Variants in CHCHD3 observed in about 807,000 individuals in gnomAD.
The protein encoded by CHCHD3 is coiled-coil-helix-coiled-coil-helix domain containing 3, also known as MICOS complex subunit MIC19.
CHCHD3 carries 20 observed loss-of-function variants against 38.2 expected under a neutral mutation model. The ratio of observed to expected loss-of-function variants is 0.52; its 90% CI spans 0.37 to 0.76. The LOEUF (loss-of-function observed/expected upper bound fraction) is 0.76, where lower values mean the gene tolerates loss of function less well. CHCHD3 is among the 30% of genes least tolerant of loss of function. CHCHD3 has a pLI of 0.00. For missense variants in CHCHD3, 245 were observed against 279.2 expected (o/e 0.88, Z 0.87); for synonymous variants, 82 against 100.0 (o/e 0.82, Z 1.07).
In CHCHD3 at chr7:132,858,373, C is replaced by A. The variant is rs1585578075; in HGVS notation, c.454-19904G>T. 2.0e-5 allele frequency among the ~76,000 whole-genome samples: 3 copies of A among 152,158 alleles called. No individual in the cohort carries two copies. The East Asian group carries it at 5.8e-4, about 29-fold the overall frequency. On this transcript the variant is annotated intron_variant, in intron 5 of 7. Transcript: ENST00000262570. The stretch of plus-strand genomic sequence containing the variant: ...CACCTGGCATCTTCACTTTTTTCCT[C>A]TTTTCTCTTTAGTTTCACTTCTCTT...
At chr7:132,961,521 T>A (rs185214503) in intron 4 of CHCHD3, among the ~76,000 whole-genome samples, 1 of 152,360 alleles carries the variant, frequency 6.6e-6, no homozygotes, top group East Asian at 1.9e-4. Context: ...TGACTTTATA[T>A]ATACATATAC....
intron 4 of CHCHD3, among the ~76,000 whole-genome samples, chr7:132,905,732 G>T (rs143347823): frequency 6.6e-6 from 1 of 152,100 alleles, no homozygotes; most frequent in Admixed American, 6.6e-5. Flanking sequence ...ACACAGAGAC[G>T]TATTTAAAAG....
intron 3 of CHCHD3, among the ~76,000 whole-genome samples, chr7:132,978,618 T>C (rs1269620184): frequency 6.6e-6 from 1 of 152,094 alleles, no homozygotes; most frequent in African/African-American, 2.4e-5. Context: ...CACAAGGCGA[T>C]GGTATATAAG....
chr7:132,838,511 T>G, intron 5 of CHCHD3, 42 bp from the exon 6 acceptor site: 2 of 1,391,876 alleles, frequency 1.4e-6, no homozygotes, highest in South Asian at 1.2e-5. Flanking sequence ...CTATCCAAGA[T>G]GACAAAATGT....
chr7:133,013,700 G>A (rs1475685268), intron 3 of CHCHD3, among the ~76,000 whole-genome samples: 9 of 151,894 alleles, frequency 5.9e-5, no homozygotes. Context: ...AAAAAAGCAC[G>A]TTATATAACA....
At position 132,920,518 on chromosome 7, in the gene CHCHD3, G is replaced by A. The variant is rs77389750; in HGVS notation, c.370-34773C>T. 6.1e-3 allele frequency among the ~76,000 whole-genome samples: 931 copies of A among 152,228 alleles called. 12 individuals are homozygous for A. The highest frequency in any genetic ancestry group is 0.021 in the African/African-American group (870 of 41,518). ...GATGATTTAAATACACTATTCATTCGCTGAATGACCGAACACACACAAGAC... is the reference window on the plus strand; with the variant it reads ...GATGATTTAAATACACTATTCATTCACTGAATGACCGAACACACACAAGAC... On this transcript the variant is annotated intron_variant, in intron 4 of 7. Transcript: ENST00000262570.
intron 2 of CHCHD3, among the ~76,000 whole-genome samples, chr7:133,048,932 ATAAATGTGTTGATT>A (rs1814071066): frequency 6.6e-6 from 1 of 152,256 alleles, no homozygotes. Flanking sequence ...GTCACATAAA[ATAAATGTGTTGATT>A]TAAAAGTACC....
intron 4 of CHCHD3, among the ~76,000 whole-genome samples, chr7:132,959,722 CA>C (rs376282108): frequency 0.036 from 1,590 of 44,120 alleles, 6 homozygotes; most frequent in South Asian, 0.14. Context: ...AACTCCGTCT[CA>C]AAAAAAAAAA....
chr7:133,007,877 C>T (rs868553299), intron 3 of CHCHD3, among the ~76,000 whole-genome samples: 4 of 152,276 alleles, frequency 2.6e-5, no homozygotes, highest in Middle Eastern at 3.4e-3. Flanking sequence ...GAATTAGATC[C>T]GAGCATCCTA....
intron 5 of CHCHD3, among the ~76,000 whole-genome samples, chr7:132,860,351 GTTTT>G (rs10548606): frequency 0.22 from 33,233 of 151,440 alleles, 3,861 homozygotes; most frequent in South Asian, 0.26. Context: ...ATCCCACATT[GTTTT>G]TTGTTTGTTT....
chr7:133,063,775 T>C (rs1050923754), intron 2 of CHCHD3, among the ~76,000 whole-genome samples: 1 of 152,206 alleles, frequency 6.6e-6, no homozygotes, highest in Non-Finnish European at 1.5e-5. Context: ...TAAAATGAGA[T>C]AGAACAGCTC....
chr7:132,787,381 G>T (rs567505872), intron 7 of CHCHD3, among the ~76,000 whole-genome samples: 1 of 152,194 alleles, frequency 6.6e-6, no homozygotes, highest in East Asian at 1.9e-4. Flanking sequence ...ACCAGACAAA[G>T]GTGGAAACAA....
At chr7:132,838,965 C>T (rs1188824100) in intron 5 of CHCHD3, among the ~76,000 whole-genome samples, 6 of 151,818 alleles carry the variant, frequency 4.0e-5, no homozygotes, top group Admixed American at 2.0e-4. Flanking sequence ...CCGAGGTGGG[C>T]GGATCACCTG....
chr7:132,914,681 G>A (rs904372270), intron 4 of CHCHD3, among the ~76,000 whole-genome samples: 3 of 152,126 alleles, frequency 2.0e-5, no homozygotes, highest in South Asian at 4.1e-4. Flanking sequence ...AAGGGGTGCC[G>A]CTCTGGCAGA....
chr7:132,997,960 A>G (rs1812470405), intron 3 of CHCHD3, among the ~76,000 whole-genome samples: 1 of 152,212 alleles, frequency 6.6e-6, no homozygotes, highest in Non-Finnish European at 1.5e-5. Flanking sequence ...AAAATAAATA[A>G]ATACTGTCAA....
At chr7:132,986,714 C>T (rs1035623240) in intron 3 of CHCHD3, among the ~76,000 whole-genome samples, 18 of 152,110 alleles carry the variant, frequency 1.2e-4, no homozygotes, top group Admixed American at 1.2e-3. Context: ...ACTGCCTGAA[C>T]AGATTTTTAA....
At chr7:132,978,240 G>A (rs1020714500) in intron 3 of CHCHD3, among the ~76,000 whole-genome samples, 4 of 152,124 alleles carry the variant, frequency 2.6e-5, no homozygotes, top group Non-Finnish European at 5.9e-5. Context: ...AAATGAAGAA[G>A]ACAATCTCCA....
At chr7:132,789,358 C>T (rs950183939) in intron 7 of CHCHD3, among the ~76,000 whole-genome samples, 2 of 152,190 alleles carry the variant, frequency 1.3e-5, no homozygotes, top group African/African-American at 2.4e-5. Flanking sequence ...CTTTTATAAA[C>T]AGCTGGGTAA....
chr7:133,017,981 G>A (rs1021722735), intron 3 of CHCHD3, among the ~76,000 whole-genome samples: 12 of 152,082 alleles, frequency 7.9e-5, no homozygotes, highest in African/African-American at 2.9e-4. Flanking sequence ...AAAAATACTG[G>A]GTGGCTAGGA....
Sources: allele counts gnomAD v4.1 joint callset (sites outside exome capture counted in the v4.1 genomes callset), GRCh38; gene constraint gnomAD v4.1.1; transcripts MANE v1.5; gene names NCBI Gene and HGNC (gene_info 2026-07-23, HGNC 2026-07-21).